Variants in RAB6A observed in about 807,000 individuals in gnomAD.
RAB6A encodes the protein RAB6A, member RAS oncogene family.
Under a neutral mutation model 32.3 loss-of-function variants are expected in RAB6A, and 8 were observed. The observed-to-expected ratio is 0.25, with a 90% CI of 0.15 to 0.45. The LOEUF is 0.45. RAB6A is among the 20% of genes least tolerant of loss of function. RAB6A has a pLI of 1.00. For missense variants in RAB6A, 104 were observed against 249.4 expected, an observed-to-expected ratio of 0.42 and a Z score of 3.93; for synonymous variants, 73 against 82.1, an observed-to-expected ratio of 0.89 and a Z score of 0.60.
chr11:73,709,961 A>ATTTTT, intron 5 of RAB6A, among the ~76,000 whole-genome samples: 1 of 81,758 alleles, frequency 1.2e-5, no homozygotes, highest in Non-Finnish European at 2.9e-5. Context: ...ATATATATAT[A>ATTTTT]TTTTTTTTTT....
intron 6 of RAB6A, among the ~76,000 whole-genome samples, chr11:73,685,896 A>AAAAAAAAC: frequency 2.4e-5 from 1 of 42,402 alleles, no homozygotes; most frequent in Non-Finnish European, 8.1e-5. Context: ...AAAAAAAAAA[A>AAAAAAAAC]AAAAAAAAAA....
At chr11:73,756,429 T>C (rs940502848) in intron 1 of RAB6A, among the ~76,000 whole-genome samples, 1 of 152,098 alleles carries the variant, frequency 6.6e-6, no homozygotes, top group African/African-American at 2.4e-5. Flanking sequence ...TATTGCAATT[T>C]GATCAGCATT....
At chr11:73,718,926 A>C in intron 3 of RAB6A, 1 of 1,492,414 alleles carries the variant, frequency 6.7e-7, no homozygotes, top group Non-Finnish European at 9.1e-7. Flanking sequence ...AAAAAAAAAA[A>C]CCAAACTAAT....
chr11:73,694,970 C>A (rs565148815), intron 6 of RAB6A, among the ~76,000 whole-genome samples: 17 of 152,052 alleles, frequency 1.1e-4, no homozygotes, highest in African/African-American at 3.9e-4. Flanking sequence ...GAGCTGAGAT[C>A]GTGCCACTGC....
At chr11:73,712,709 A>G (rs1211266848) in intron 5 of RAB6A, among the ~76,000 whole-genome samples, 3 of 138,252 alleles carry the variant, frequency 2.2e-5, no homozygotes, top group Non-Finnish European at 3.0e-5. Flanking sequence ...GCAAGACCAC[A>G]TTGCTTTAAT....
intron 5 of RAB6A, among the ~76,000 whole-genome samples, 185 bp downstream of exon 5, chr11:73,716,066 T>G (rs1371033877): frequency 6.6e-6 from 1 of 152,198 alleles, no homozygotes; most frequent in African/African-American, 2.4e-5. Flanking sequence ...AAAATTCATT[T>G]CCCTTAAGGA....
In RAB6A at chr11:73,725,638, C is replaced by T. The variant is rs182487628; in HGVS notation, c.130-4739G>A. 1.4e-4 allele frequency among the ~76,000 whole-genome samples: 22 copies of T among 152,224 alleles called. No individual in the cohort carries two copies. In the East Asian group the frequency reaches 3.1e-3, roughly 21 times the overall value. On this transcript the variant is annotated intron_variant, in intron 2 of 7. Coordinates refer to ENST00000336083, the MANE Select transcript of RAB6A (RefSeq NM_198896.2). ...ATCTCGTAAGACTTATTCATTACCA[C>T]GAGAACAGTATGTGGGAAACCACCC...
At chr11:73,751,282 C>T (rs1041671692) in intron 1 of RAB6A, among the ~76,000 whole-genome samples, 2 of 152,060 alleles carry the variant, frequency 1.3e-5, no homozygotes, top group African/African-American at 2.4e-5. Context: ...AGAAAGACCC[C>T]GTCTCAAAAA....
At chr11:73,705,043 T>C (rs972420059) in intron 6 of RAB6A, among the ~76,000 whole-genome samples, 1 of 151,920 alleles carries the variant, frequency 6.6e-6, no homozygotes, top group African/African-American at 2.4e-5. Flanking sequence ...AAAAATAAAA[T>C]TGGAAGCAAT....
chr11:73,707,845 C>T (rs1008436325), intron 5 of RAB6A, among the ~76,000 whole-genome samples: 1 of 152,162 alleles, frequency 6.6e-6, no homozygotes, highest in African/African-American at 2.4e-5. Flanking sequence ...TAGGCCACCA[C>T]ATCACTGCAC....
chr11:73,726,966 G>A lies in RAB6A; in HGVS notation c.129+3799C>T, dbSNP rs1001685702. On this transcript the variant is annotated intron_variant, in intron 2 of 7. Transcript: ENST00000336083. The stretch of plus-strand genomic sequence containing the variant: ...AGAGAAGGTCTGAGATTATGGAAAC[G>A]AAAAGTACAGGAGGCTAGCAGATTG... Among the ~76,000 whole-genome samples the A allele has an allele frequency of 3.9e-5, 6 of 152,226 alleles. No individual in the cohort carries two copies. In the South Asian group the frequency reaches 6.2e-4, roughly 16 times the overall value.
chr11:73,744,049 T>C (rs1425239578), intron 1 of RAB6A, among the ~76,000 whole-genome samples: 1 of 151,794 alleles, frequency 6.6e-6, no homozygotes, highest in Admixed American at 6.6e-5. Flanking sequence ...TACAAAAAAT[T>C]TTAAACTGGA....
chr11:73,720,958 G>A, intron 2 of RAB6A, 59 bp from the exon 3 acceptor site: 5 of 1,135,492 alleles, frequency 4.4e-6, no homozygotes, highest in South Asian at 3.9e-5. Context: ...CAGCAGTTTA[G>A]GATTCAAATG....
intron 6 of RAB6A, among the ~76,000 whole-genome samples, chr11:73,694,728 A>G (rs1411287549): frequency 6.6e-6 from 1 of 152,026 alleles, no homozygotes; most frequent in Non-Finnish European, 1.5e-5. Context: ...TTAAAAATAT[A>G]CCAGGTCAGG....
At chr11:73,722,335 ATATATATATTTTTTTT>A (rs1306299687) in intron 2 of RAB6A, 35 of 11,100 alleles carry the variant, frequency 3.2e-3, no homozygotes, top group East Asian at 0.016. Flanking sequence ...ATATATATAT[ATATATATATTTTTTTT>A]TTTTTTTTTT....
intron 6 of RAB6A, among the ~76,000 whole-genome samples, chr11:73,697,308 C>T (rs1945669617): frequency 1.3e-5 from 2 of 151,844 alleles, no homozygotes; most frequent in South Asian, 4.2e-4. Context: ...TCCTTCTTAC[C>T]CTACTTTATT....
intron 1 of RAB6A, among the ~76,000 whole-genome samples, chr11:73,731,727 TATATACACAC>T (rs1213578472): frequency 0.016 from 136 of 8,398 alleles, 2 homozygotes; most frequent in South Asian, 0.077. Flanking sequence ...TATATATATA[TATATACACAC>T]ACACACACAT....
At chr11:73,714,818 T>C (rs944595334) in intron 5 of RAB6A, among the ~76,000 whole-genome samples, 1 of 146,230 alleles carries the variant, frequency 6.8e-6, no homozygotes, top group Non-Finnish European at 1.5e-5. Flanking sequence ...ATACAAAAAT[T>C]TGCAGGACAT....
chr11:73,704,731 T>A (rs1565354993), intron 6 of RAB6A, among the ~76,000 whole-genome samples: 1 of 150,608 alleles, frequency 6.6e-6, no homozygotes, highest in Non-Finnish European at 1.5e-5. Context: ...GTGCAGTGGC[T>A]CACACCTGTA....
Sources: gnomAD v4.1 joint callset for allele counts (sites outside exome capture counted in the v4.1 genomes callset) on GRCh38, gnomAD v4.1.1 for gene constraint, MANE v1.5 for transcripts, NCBI Gene and HGNC (gene_info 2026-07-23, HGNC 2026-07-21) for gene names.